The following CYRIB variants were observed in gnomAD, a reference collection of about 807,000 sequenced individuals.
CYRIB encodes CYFIP-related Rac1 interactor B.
CYRIB carries 8 observed loss-of-function variants against 44.2 expected under a neutral mutation model. That is an observed-to-expected ratio of 0.18 (90% CI 0.11 to 0.33). The LOEUF (loss-of-function observed/expected upper bound fraction) is 0.33. Ranked by LOEUF, CYRIB falls within the 10% of genes least tolerant of loss-of-function variation. CYRIB has a pLI of 1.00. For missense variants in CYRIB, 185 were observed against 382.8 expected (o/e 0.48, Z 4.31); for synonymous variants, 131 against 127.2 (o/e 1.03, Z -0.20).
intron 1 of CYRIB, among the ~76,000 whole-genome samples, chr8:130,014,202 G>A (rs1420466023): frequency 6.6e-6 from 1 of 152,176 alleles, no homozygotes; most frequent in Non-Finnish European, 1.5e-5. Context: ...CACTTTGGGA[G>A]GCTAAGGCAG....
At chr8:129,925,444 G>A (rs1215575394) in intron 1 of CYRIB, among the ~76,000 whole-genome samples, 4 of 152,132 alleles carry the variant, frequency 2.6e-5, no homozygotes, top group African/African-American at 9.7e-5. Flanking sequence ...ATTCTGTTCA[G>A]GAATGCTTTC....
chr8:129,965,858 G>A (rs1409873629), intron 2 of CYRIB, among the ~76,000 whole-genome samples: 1 of 151,436 alleles, frequency 6.6e-6, no homozygotes, highest in South Asian at 2.1e-4. Context: ...AGTTTTGTTT[G>A]TTCATTTTTT....
intron 1 of CYRIB, among the ~76,000 whole-genome samples, chr8:130,015,457 C>G (rs1373032419): frequency 6.6e-6 from 1 of 152,162 alleles, no homozygotes. Flanking sequence ...GCGACTTGCC[C>G]AAGGTCACAC....
At chr8:129,943,925 A>C (rs2093948696), upstream of CYRIB, among the ~76,000 whole-genome samples, 1 of 150,952 alleles carries the variant, frequency 6.6e-6, no homozygotes, top group African/African-American at 2.4e-5. Flanking sequence ...AAAAAAAAAA[A>C]AAAAAAAGAA....
intron 7 of CYRIB, among the ~76,000 whole-genome samples, chr8:129,853,286 G>A (rs1290080220): frequency 2.0e-5 from 3 of 152,150 alleles, no homozygotes; most frequent in African/African-American, 4.8e-5. Context: ...TGGTAGGTAT[G>A]AAAAAGACAG....
chr8:130,016,539 G>T, upstream of CYRIB: 1 of 157,246 alleles, frequency 6.4e-6, no homozygotes, highest in South Asian at 1.6e-4. Context: ...CAGCCCGGGC[G>T]AGTGCCAGGC....
chr8:129,895,744 A>G (rs980105928), intron 2 of CYRIB, among the ~76,000 whole-genome samples: 1 of 152,184 alleles, frequency 6.6e-6, no homozygotes, highest in Non-Finnish European at 1.5e-5. Flanking sequence ...GGGTGAATGA[A>G]TAAATTTGAA....
chr8:129,958,017 C>T (rs2094970021), intron 2 of CYRIB, among the ~76,000 whole-genome samples: 1 of 151,524 alleles, frequency 6.6e-6, no homozygotes, highest in African/African-American at 2.4e-5. Flanking sequence ...AGCTAATTAG[C>T]CAAGTGGCAC....
chr8:129,991,971 A>AAAAAAAAAGAGAGGG (rs994697259), intron 1 of CYRIB, among the ~76,000 whole-genome samples: 1 of 134,604 alleles, frequency 7.4e-6, no homozygotes, highest in Non-Finnish European at 1.6e-5. Flanking sequence ...AAAAAAAAAA[A>AAAAAAAAAGAGAGGG]ACAATAGGAA....
intron 2 of CYRIB, among the ~76,000 whole-genome samples, chr8:129,958,700 C>T (rs186423208): frequency 1.4e-3 from 209 of 150,606 alleles, no homozygotes; most frequent in African/African-American, 4.7e-3. Flanking sequence ...CTCTCGAGCT[C>T]ATTCAATTTC....
At chr8:130,007,184 G>A (rs542780548) in intron 1 of CYRIB, among the ~76,000 whole-genome samples, 2 of 152,272 alleles carry the variant, frequency 1.3e-5, no homozygotes, top group African/African-American at 4.8e-5. Context: ...CCTGAGGGCT[G>A]CTGAGATGCC....
intron 1 of CYRIB, among the ~76,000 whole-genome samples, chr8:129,939,370 G>A (rs1202965257): frequency 6.6e-6 from 1 of 151,572 alleles, no homozygotes; most frequent in African/African-American, 2.4e-5. Context: ...GGAAGGGGGC[G>A]GAAGAAAGGA....
chr8:129,859,465 C>A (rs994914988), intron 5 of CYRIB, among the ~76,000 whole-genome samples: 1 of 152,000 alleles, frequency 6.6e-6, no homozygotes, highest in African/African-American at 2.4e-5. Flanking sequence ...TCTCTAAACT[C>A]CCCCGGGGAA....
At chr8:129,870,860 A>G (rs996327095) in intron 4 of CYRIB, among the ~76,000 whole-genome samples, 3 of 152,230 alleles carry the variant, frequency 2.0e-5, no homozygotes, top group African/African-American at 7.2e-5. Context: ...AAATAATTAA[A>G]AGAGTAAAGT....
intron 1 of CYRIB, chr8:129,939,493 GC>G (rs2130619874): frequency 6.6e-6 from 1 of 151,920 alleles, no homozygotes; most frequent in Admixed American, 6.5e-5. Flanking sequence ...AAAGGAGGAA[GC>G]CCCGCGCCAG....
At chr8:129,953,338 G>A (rs1389246498) in intron 2 of CYRIB, among the ~76,000 whole-genome samples, 1 of 152,134 alleles carries the variant, frequency 6.6e-6, no homozygotes, top group East Asian at 1.9e-4. Flanking sequence ...AGTGCTGTTC[G>A]TGAGCGGACT....
At chr8:129,889,207 T>G (rs2064055896) in intron 2 of CYRIB, among the ~76,000 whole-genome samples, 1 of 152,216 alleles carries the variant, frequency 6.6e-6, no homozygotes, top group Non-Finnish European at 1.5e-5. Flanking sequence ...TACAGCATGG[T>G]GTACTCAATA....
chr8:129,941,899 G>C (rs903002944), upstream of CYRIB, among the ~76,000 whole-genome samples: 1 of 152,152 alleles, frequency 6.6e-6, no homozygotes, highest in Non-Finnish European at 1.5e-5. Flanking sequence ...TTGATTGTGA[G>C]GAACCTCTTT....
At chr8:129,862,123 TACTA>T in intron 5 of CYRIB, 102 bp downstream of exon 7, 1 of 772,046 alleles carries the variant, frequency 1.3e-6, no homozygotes, top group Non-Finnish European at 2.2e-6. Context: ...ATAAAACAGA[TACTA>T]AGCCAAATTC....
Sources: gnomAD v4.1 joint callset for allele counts (sites outside exome capture counted in the v4.1 genomes callset) on GRCh38, gnomAD v4.1.1 for gene constraint, MANE v1.5 for transcripts, NCBI Gene and HGNC (gene_info 2026-07-23, HGNC 2026-07-21) for gene names.